Variants in SPTLC2 observed in about 807,000 individuals in gnomAD.
SPTLC2 encodes the protein serine palmitoyltransferase 2.
In SPTLC2, 21 loss-of-function variants were observed where a neutral mutation model predicts 62.0. The ratio of observed to expected loss-of-function variants is 0.34; its 90% CI spans 0.24 to 0.49. The LOEUF (loss-of-function observed/expected upper bound fraction) is 0.49. Ranked by LOEUF, SPTLC2 falls within the 20% of genes least tolerant of loss-of-function variation. SPTLC2 has a pLI of 0.99. For missense variants in SPTLC2, 511 were observed against 713.0 expected, an observed-to-expected ratio of 0.72 and a Z score of 3.23; for synonymous variants, 261 against 261.8, an observed-to-expected ratio of 1.00 and a Z score of 0.03.
At chr14:77,524,605 T>A (rs1322259455) in intron 9 of SPTLC2, among the ~76,000 whole-genome samples, 1 of 152,206 alleles carries the variant, frequency 6.6e-6, no homozygotes, top group East Asian at 1.9e-4. Flanking sequence ...TACGGAATCA[T>A]TCTAAGTATC....
At chr14:77,541,105 T>G (rs1482322658) in intron 9 of SPTLC2, among the ~76,000 whole-genome samples, 1 of 152,120 alleles carries the variant, frequency 6.6e-6, no homozygotes, top group Non-Finnish European at 1.5e-5. Context: ...CTCAGCTCAC[T>G]GCAATCTCCG....
rs2079318994 is a variant in SPTLC2 at position 77,508,938 on chromosome 14, G to A, written c.*3346C>T. 1 of 152,118 alleles carries A rather than the reference G, an allele frequency of 6.6e-6. No homozygotes were observed. The highest frequency in any genetic ancestry group is 2.4e-5 in the African/African-American group (1 of 41,420). 9.4% of individuals were successfully genotyped at this position (152,118 alleles called of 1,614,324 possible). On this transcript the variant is annotated 3_prime_UTR_variant, in exon 12 of 12. Transcript: ENST00000216484. ...TAAAAATCAAGAACTTGAAGGTACA[G>A]AAAGAAAGAAAGGCCAAATAAAGGA...
intron 10 of SPTLC2, among the ~76,000 whole-genome samples, chr14:77,518,545 C>T (rs1213942072): frequency 6.8e-6 from 1 of 146,498 alleles, no homozygotes; most frequent in East Asian, 2.0e-4. Flanking sequence ...TGTAGTAAGG[C>T]AAGATCACAC....
intron 1 of SPTLC2, among the ~76,000 whole-genome samples, chr14:77,612,662 C>A (rs2079944295): frequency 6.6e-6 from 1 of 152,130 alleles, no homozygotes; most frequent in Non-Finnish European, 1.5e-5. Flanking sequence ...CACATATAAA[C>A]CCCCAGTTAC....
At chr14:77,534,516 T>C in intron 9 of SPTLC2, among the ~76,000 whole-genome samples, 1 of 150,868 alleles carries the variant, frequency 6.6e-6, no homozygotes, top group East Asian at 2.0e-4. Flanking sequence ...AGTCTAACTT[T>C]ATGATATAAA....
At chr14:77,515,365 T>C (rs1032941473) in intron 11 of SPTLC2, among the ~76,000 whole-genome samples, 1 of 152,176 alleles carries the variant, frequency 6.6e-6, no homozygotes, top group Non-Finnish European at 1.5e-5. Context: ...ACACAGGATC[T>C]GTAGGTTGCT....
intron 11 of SPTLC2, among the ~76,000 whole-genome samples, chr14:77,513,759 G>T (rs1000426362): frequency 1.3e-5 from 2 of 152,110 alleles, no homozygotes; most frequent in Middle Eastern, 3.2e-3. Context: ...GCTGGGCGTG[G>T]TGGCACATGC....
At chr14:77,603,245 T>C (rs1185440170) in intron 1 of SPTLC2, among the ~76,000 whole-genome samples, 1 of 152,216 alleles carries the variant, frequency 6.6e-6, no homozygotes, top group Admixed American at 6.5e-5. Context: ...GCCCAGCTGG[T>C]GAATGGTTTG....
chr14:77,611,924 A>T (rs2079940604), intron 1 of SPTLC2, among the ~76,000 whole-genome samples: 1 of 144,140 alleles, frequency 6.9e-6, no homozygotes, highest in African/African-American at 3.0e-5. Flanking sequence ...TTATTTTTTT[A>T]AAAAAGGAAG....
chr14:77,590,485 CAGAT>C (rs1320674942), intron 2 of SPTLC2, among the ~76,000 whole-genome samples: 3 of 152,116 alleles, frequency 2.0e-5, no homozygotes, highest in African/African-American at 4.8e-5. Context: ...CCGAGGTGGG[CAGAT>C]AGATAAACAT....
chr14:77,608,919 A>AAAT (rs56945046), intron 1 of SPTLC2, among the ~76,000 whole-genome samples: 35,674 of 134,302 alleles, frequency 0.27, 4,821 homozygotes, highest in Middle Eastern at 0.32. Flanking sequence ...CTCCATCTCA[A>AAAT]AATAATAATA....
intron 10 of SPTLC2, among the ~76,000 whole-genome samples, chr14:77,520,701 T>C (rs554882935): frequency 8.5e-5 from 13 of 152,388 alleles, no homozygotes; most frequent in Middle Eastern, 3.4e-3. Context: ...CTCAAATACA[T>C]TGAAAGCTAT....
intron 9 of SPTLC2, among the ~76,000 whole-genome samples, chr14:77,537,444 G>A (rs890844356): frequency 4.6e-5 from 7 of 152,150 alleles, no homozygotes; most frequent in African/African-American, 1.7e-4. Flanking sequence ...TGCAAACTCT[G>A]AGGACAAATA....
intron 1 of SPTLC2, among the ~76,000 whole-genome samples, chr14:77,615,229 C>T (rs2079959984): frequency 6.6e-6 from 1 of 152,206 alleles, no homozygotes; most frequent in Admixed American, 6.5e-5. Flanking sequence ...TGTATTACTT[C>T]GCTTTGACAC....
chr14:77,609,071 A>G (rs1030330603), intron 1 of SPTLC2, among the ~76,000 whole-genome samples: 3 of 151,968 alleles, frequency 2.0e-5, no homozygotes, highest in Non-Finnish European at 4.4e-5. Flanking sequence ...GAGGGATGGG[A>G]AAGTTCATGG....
chr14:77,531,506 C>CTT (rs1491390631), intron 9 of SPTLC2, among the ~76,000 whole-genome samples: 7,018 of 111,160 alleles, frequency 0.063, 269 homozygotes, highest in Non-Finnish European at 0.072. Flanking sequence ...TCCTCCTCCT[C>CTT]CTCTTCTTCT....
At chr14:77,607,521 C>T (rs2079911590) in intron 1 of SPTLC2, among the ~76,000 whole-genome samples, 2 of 151,988 alleles carry the variant, frequency 1.3e-5, no homozygotes, top group Admixed American at 6.5e-5. Context: ...AATTCCATGG[C>T]TTTCCAATGA....
chr14:77,594,313 C>A (rs931452689), intron 2 of SPTLC2, among the ~76,000 whole-genome samples: 1 of 152,190 alleles, frequency 6.6e-6, no homozygotes, highest in Admixed American at 6.5e-5. Flanking sequence ...ACAGGCAGCT[C>A]CCAACACTTA....
chr14:77,563,402 G>T (rs1473234098), intron 5 of SPTLC2, among the ~76,000 whole-genome samples: 1 of 152,070 alleles, frequency 6.6e-6, no homozygotes, highest in Non-Finnish European at 1.5e-5. Context: ...CCATATACTT[G>T]GGTTTTGTGT....
Sources: gnomAD v4.1 joint callset for allele counts (sites outside exome capture counted in the v4.1 genomes callset) on GRCh38, gnomAD v4.1.1 for gene constraint, MANE v1.5 for transcripts, NCBI Gene and HGNC (gene_info 2026-07-23, HGNC 2026-07-21) for gene names.